Variants in RALYL observed in about 807,000 individuals in gnomAD.
RALYL encodes RNA-binding Raly-like protein.
RALYL carries 29 observed loss-of-function variants against 35.1 expected under a neutral mutation model. That is an observed-to-expected ratio of 0.83 (90% CI 0.61 to 1.13). RALYL has a LOEUF of 1.13. Among genes scored for constraint, RALYL ranks in the 50% most tolerant of loss-of-function variants. The probability of loss-of-function intolerance (pLI) is 0.00; values close to 1 mark genes in which losing one functional copy is unlikely to be tolerated. For synonymous variants in RALYL, 120 were observed against 127.6 expected (o/e 0.94, Z 0.40); for missense variants, 359 against 360.4 (o/e 1.00, Z 0.03).
intron 8 of RALYL, among the ~76,000 whole-genome samples, chr8:84,917,171 A>G (rs560516844): frequency 6.6e-6 from 1 of 152,200 alleles, no homozygotes; most frequent in South Asian, 2.1e-4. Flanking sequence ...GTGATCCACT[A>G]TGCTAAAAAG....
intron 2 of RALYL, among the ~76,000 whole-genome samples, chr8:84,648,560 C>T (rs1298207515): frequency 3.3e-5 from 5 of 151,908 alleles, no homozygotes; most frequent in Non-Finnish European, 7.4e-5. Context: ...CACGGGTGAA[C>T]TATTAACATA....
intron 1 of RALYL, among the ~76,000 whole-genome samples, chr8:84,490,713 A>T (rs1044243743): frequency 1.3e-4 from 20 of 150,290 alleles, no homozygotes; most frequent in African/African-American, 4.6e-4. Flanking sequence ...AAATATATAT[A>T]TTTTTATTAT....
chr8:84,358,036 A>G (rs950810008), intron 1 of RALYL, among the ~76,000 whole-genome samples: 4 of 151,798 alleles, frequency 2.6e-5, no homozygotes, highest in Non-Finnish European at 5.9e-5. Context: ...TGAAGAATAC[A>G]TTAGTATTTG....
chr8:84,716,201 A>C (rs1842922688), intron 2 of RALYL, among the ~76,000 whole-genome samples: 1 of 152,158 alleles, frequency 6.6e-6, no homozygotes, highest in Non-Finnish European at 1.5e-5. Context: ...TTGACTTTGA[A>C]GTCACCTCTA....
rs547900544 is a variant in RALYL, at chr8:84,747,267, A to T, written c.257-27312A>T. Among the ~76,000 whole-genome samples the T allele has an allele frequency of 2.6e-5, 4 of 152,038 alleles. No homozygotes were observed. In the South Asian group the frequency reaches 8.3e-4, roughly 32 times the overall value. ...CCAGCAGAATGTTTTATGTAAAAAA[A>T]AAATGGTGCTAATAAGTGTGTGTGG... On this transcript the variant is annotated intron_variant, in intron 2 of 8. Transcript: ENST00000521268.
At chr8:84,875,494 G>GAACATGTTTAAACTTTTACAGTCAT (rs1340002930) in intron 7 of RALYL, among the ~76,000 whole-genome samples, 1 of 151,676 alleles carries the variant, frequency 6.6e-6, no homozygotes, top group Admixed American at 6.6e-5. Context: ...ACTTACTTTT[G>GAACATGTTTAAACTTTTACAGTCAT]AACATGTTTA....
At chr8:84,437,949 A>G (rs962836382) in intron 1 of RALYL, among the ~76,000 whole-genome samples, 2 of 152,138 alleles carry the variant, frequency 1.3e-5, no homozygotes, top group Admixed American at 1.3e-4. Context: ...TCTTTTCATT[A>G]TCAATTACCT....
At chr8:84,794,568 A>T (rs185950956) in intron 3 of RALYL, among the ~76,000 whole-genome samples, 5 of 152,348 alleles carry the variant, frequency 3.3e-5, no homozygotes, top group Admixed American at 3.3e-4. Context: ...TCTTTTCAGA[A>T]AATCATTTTT....
At chr8:84,723,537 C>G in intron 2 of RALYL, among the ~76,000 whole-genome samples, 1 of 152,010 alleles carries the variant, frequency 6.6e-6, no homozygotes, top group East Asian at 1.9e-4. Context: ...TCAGAGTTAT[C>G]GAAGCTAAAC....
intron 1 of RALYL, among the ~76,000 whole-genome samples, chr8:84,486,156 T>A (rs1421431686): frequency 6.6e-6 from 1 of 151,404 alleles, no homozygotes; most frequent in Non-Finnish European, 1.5e-5. Flanking sequence ...TGGATTATTG[T>A]TTAGAACTTC....
chr8:84,679,712 C>T (rs1470480975), intron 2 of RALYL: 1 of 518,164 alleles, frequency 1.9e-6, no homozygotes, highest in Non-Finnish European at 3.9e-6. Context: ...CTTTGACCCT[C>T]AAGGCAATAT....
At chr8:84,473,101 G>A (rs1217027172) in intron 1 of RALYL, among the ~76,000 whole-genome samples, 1 of 151,900 alleles carries the variant, frequency 6.6e-6, no homozygotes, top group Non-Finnish European at 1.5e-5. Flanking sequence ...GGGCTACCCA[G>A]GTTTATTTAG....
chr8:84,885,560 T>C (rs1352772073), intron 7 of RALYL, among the ~76,000 whole-genome samples: 1 of 152,180 alleles, frequency 6.6e-6, no homozygotes, highest in Non-Finnish European at 1.5e-5. Context: ...ACTGCACAAA[T>C]AATGTTGTTA....
Position 84,438,941 on chromosome 8 carries a change from T to C in RALYL, c.-23-90358T>C, listed in dbSNP as rs559387918. The stretch of plus-strand genomic sequence containing the variant: ...TTCCCTATTATGTTCCCTTGGTCTA[T>C]GTATCTTTTTTTTTTATCAGTACCA... On this transcript the variant is annotated intron_variant, in intron 1 of 8. Coordinates refer to ENST00000521268, the MANE Select transcript of RALYL (RefSeq NM_173848.7). 8.3e-5 allele frequency among the ~76,000 whole-genome samples: 10 copies of C among 120,070 alleles called. No homozygotes were observed. The South Asian group carries it at 2.4e-3, about 29-fold the overall frequency. 78.8% of individuals were successfully genotyped at this position (120,070 alleles called of 152,430 possible). A position where few individuals can be genotyped will look rare whatever the true frequency, so the allele number is the denominator to read the frequency against.
At chr8:84,707,916 T>A (rs369831228) in intron 2 of RALYL, among the ~76,000 whole-genome samples, 2 of 152,096 alleles carry the variant, frequency 1.3e-5, no homozygotes, top group African/African-American at 2.4e-5. Flanking sequence ...CCATTTTCAG[T>A]CATATCTTTT....
chr8:84,528,848 A>G (rs2059083000), intron 1 of RALYL, among the ~76,000 whole-genome samples: 1 of 152,142 alleles, frequency 6.6e-6, no homozygotes, highest in African/African-American at 2.4e-5. Context: ...CAGTATGTCT[A>G]CCTATTACAG....
chr8:84,574,843 T>C (rs1808931693), intron 2 of RALYL, among the ~76,000 whole-genome samples: 1 of 152,186 alleles, frequency 6.6e-6, no homozygotes, highest in Admixed American at 6.5e-5. Flanking sequence ...AAATATTTGG[T>C]TATATCTCCA....
At chr8:84,218,810 G>A (rs77540382) in intron 1 of RALYL, among the ~76,000 whole-genome samples, 4 of 152,030 alleles carry the variant, frequency 2.6e-5, no homozygotes, top group Non-Finnish European at 4.4e-5. Flanking sequence ...AAAATTGTAC[G>A]ATAGTGCCCA....
intron 2 of RALYL, among the ~76,000 whole-genome samples, chr8:84,707,643 T>G (rs542176562): frequency 1.3e-5 from 2 of 152,294 alleles, no homozygotes; most frequent in Admixed American, 1.3e-4. Context: ...TTAAAAAAAC[T>G]AATGTGTTAC....
Sources: gnomAD v4.1 joint callset for allele counts (sites outside exome capture counted in the v4.1 genomes callset) on GRCh38, gnomAD v4.1.1 for gene constraint, MANE v1.5 for transcripts, NCBI Gene and HGNC (gene_info 2026-07-23, HGNC 2026-07-21) for gene names.